The following FCHSD2 variants were observed in gnomAD, a reference collection of about 807,000 sequenced individuals.
FCHSD2 encodes the protein FCH and double SH3 domains 2, also known as F-BAR and double SH3 domains protein 2.
A neutral mutation model predicts 108.1 loss-of-function variants in FCHSD2; 38 were observed. The observed-to-expected ratio is 0.35, with a 90% CI of 0.27 to 0.46. The LOEUF is 0.46. FCHSD2 is among the 20% of genes least tolerant of loss of function. The probability of loss-of-function intolerance (pLI) is 1.00; values close to 1 mark genes in which losing one functional copy is unlikely to be tolerated. For missense variants in FCHSD2, 751 were observed against 897.8 expected (o/e 0.84, Z 2.09); for synonymous variants, 279 against 314.7 (o/e 0.89, Z 1.20).
chr11:72,959,821 T>C (rs963801967), intron 8 of FCHSD2, among the ~76,000 whole-genome samples: 23 of 151,552 alleles, frequency 1.5e-4, no homozygotes, highest in African/African-American at 5.3e-4. Context: ...GGTAGAACTA[T>C]ACTTCAAATT....
chr11:72,908,292 CTT>C (rs1855677178), intron 9 of FCHSD2, among the ~76,000 whole-genome samples: 1 of 152,176 alleles, frequency 6.6e-6, no homozygotes, highest in Non-Finnish European at 1.5e-5. Context: ...TTGATGGACA[CTT>C]AGGTTGCTTC....
chr11:73,028,996 C>T (rs1858296061), intron 3 of FCHSD2, among the ~76,000 whole-genome samples: 2 of 152,016 alleles, frequency 1.3e-5, no homozygotes, highest in Admixed American at 1.3e-4. Flanking sequence ...TTCTTCATAG[C>T]AGTGTGAAAA....
chr11:73,140,593 C>T (rs575895018), intron 1 of FCHSD2, among the ~76,000 whole-genome samples: 1 of 152,222 alleles, frequency 6.6e-6, no homozygotes, highest in Non-Finnish European at 1.5e-5. Flanking sequence ...GAATCGACTA[C>T]ATAAATTACT....
At chr11:72,879,037 G>A (rs1048850726) in intron 12 of FCHSD2, among the ~76,000 whole-genome samples, 8 of 152,074 alleles carry the variant, frequency 5.3e-5, no homozygotes, top group Non-Finnish European at 2.9e-5. Flanking sequence ...TTGAACCCAG[G>A]AGGCAGAGGT....
At chr11:72,874,838 T>G (rs948592454) in intron 12 of FCHSD2, among the ~76,000 whole-genome samples, 8 of 152,222 alleles carry the variant, frequency 5.3e-5, no homozygotes, top group African/African-American at 1.9e-4. Context: ...AAATGAATTT[T>G]CATGATTTGC....
chr11:73,040,876 C>A (rs1858618979), intron 3 of FCHSD2, among the ~76,000 whole-genome samples: 1 of 152,060 alleles, frequency 6.6e-6, no homozygotes, highest in Non-Finnish European at 1.5e-5. Context: ...TTCAACCTTC[C>A]CACAAACTGC....
Position 73,083,789 on chromosome 11 carries a change from T to C in FCHSD2, c.120-49A>G, listed in dbSNP as rs1388793193. Reference sequence around the variant, plus strand: ...TTACCAGAAGGATAACTTAATAATTTAATGTAAATCTATCAACACACCTTC... The same window carrying C: ...TTACCAGAAGGATAACTTAATAATTCAATGTAAATCTATCAACACACCTTC... On this transcript the variant is annotated intron_variant, in intron 2 of 19. Transcript: ENST00000409418. 1.2e-5 allele frequency: 14 copies of C among 1,204,122 alleles called. No homozygotes were observed. In the African/African-American group the frequency reaches 1.5e-4, roughly 13 times the overall value. The allele number at this position is 1,204,122 out of a possible 1,614,324, so 74.6% of individuals were successfully genotyped here. A position where few individuals can be genotyped will look rare whatever the true frequency, so the allele number is the denominator to read the frequency against.
intron 2 of FCHSD2, among the ~76,000 whole-genome samples, chr11:73,138,398 T>G (rs1299671272): frequency 2.0e-5 from 3 of 152,266 alleles, no homozygotes; most frequent in African/African-American, 7.2e-5. Flanking sequence ...AAGAAGTCTT[T>G]AGAAGACACA....
chr11:73,083,662 T>TC, intron 3 of FCHSD2, 33 bp downstream of exon 3: 1 of 1,426,232 alleles, frequency 7.0e-7, no homozygotes, highest in Non-Finnish European at 9.7e-7. Flanking sequence ...AAAAGAAGTA[T>TC]ACCTAGAATG....
At chr11:72,838,896 A>T in intron 19 of FCHSD2, 22 bp from the exon 20 acceptor site, 1 of 1,590,774 alleles carries the variant, frequency 6.3e-7, no homozygotes, top group Non-Finnish European at 8.6e-7. Context: ...ACAATTACGT[A>T]GTTTGTCAGT....
chr11:72,944,015 T>C (rs1053746210), intron 8 of FCHSD2, among the ~76,000 whole-genome samples: 8 of 152,150 alleles, frequency 5.3e-5, no homozygotes, highest in Non-Finnish European at 1.2e-4. Flanking sequence ...TTCCAATGAA[T>C]AGAAAAAGAG....
intron 8 of FCHSD2, among the ~76,000 whole-genome samples, chr11:72,960,695 C>A (rs538023579): frequency 6.6e-6 from 1 of 152,228 alleles, no homozygotes; most frequent in South Asian, 2.1e-4. Context: ...TTCTGTTAGC[C>A]ACCAGAAAGT....
intron 8 of FCHSD2, among the ~76,000 whole-genome samples, chr11:72,978,582 G>A (rs1479609255): frequency 3.3e-5 from 5 of 151,998 alleles, no homozygotes; most frequent in Admixed American, 2.6e-4. Context: ...CCCATATATC[G>A]GGGGAGGGTC....
chr11:72,986,233 G>A (rs1056209104), intron 6 of FCHSD2, among the ~76,000 whole-genome samples: 21 of 152,042 alleles, frequency 1.4e-4, no homozygotes, highest in African/African-American at 4.8e-4. Flanking sequence ...ATTTAGAGAC[G>A]GAGTCTCGCT....
chr11:72,914,652 A>T (rs1855834634), intron 9 of FCHSD2, among the ~76,000 whole-genome samples: 1 of 152,204 alleles, frequency 6.6e-6, no homozygotes, highest in Admixed American at 6.5e-5. Flanking sequence ...CCTATTTAAT[A>T]AATGGTGCTG....
chr11:73,023,393 T>C (rs1815261462), intron 3 of FCHSD2, among the ~76,000 whole-genome samples: 2 of 152,124 alleles, frequency 1.3e-5, no homozygotes, highest in African/African-American at 4.8e-5. Context: ...GAAAAGATAC[T>C]TCATCAAAGA....
chr11:73,077,920 AT>A (rs916013396), intron 3 of FCHSD2, among the ~76,000 whole-genome samples: 3 of 152,260 alleles, frequency 2.0e-5, no homozygotes, highest in African/African-American at 4.8e-5. Flanking sequence ...CAATAAAGCT[AT>A]TTTTTTAAGT....
chr11:72,842,850 C>G lies in FCHSD2; in HGVS notation c.1706-9G>C, dbSNP rs764245364. 1 of 1,607,860 alleles carries G rather than the reference C, an allele frequency of 6.2e-7. No homozygotes were observed. The highest frequency in any genetic ancestry group is 1.3e-5 in the African/African-American group (1 of 74,728). On this transcript the variant is annotated splice_polypyrimidine_tract_variant and intron_variant, in intron 16 of 19. Transcript: ENST00000409418. ...TGCTTTCACAAAACATACTAGGGAG[C>G]AAGAGAAAAACAAATCTGGTAAGAT...
chr11:73,063,502 TAA>T (rs1323323884), intron 3 of FCHSD2, among the ~76,000 whole-genome samples: 1 of 152,016 alleles, frequency 6.6e-6, no homozygotes, highest in Non-Finnish European at 1.5e-5. Flanking sequence ...GCAAATTGGA[TAA>T]AGAGTCAAGA....
Sources: gnomAD v4.1 joint callset for allele counts (sites outside exome capture counted in the v4.1 genomes callset) on GRCh38, gnomAD v4.1.1 for gene constraint, MANE v1.5 for transcripts, NCBI Gene and HGNC (gene_info 2026-07-23, HGNC 2026-07-21) for gene names.